The following NELL1 variants were observed in gnomAD, a reference collection of about 807,000 sequenced individuals.
The protein encoded by NELL1 is neural EGFL like 1, also known as protein kinase C-binding protein NELL1.
In NELL1, 76 loss-of-function variants were observed where a neutral mutation model predicts 107.4. That is an observed-to-expected ratio of 0.71 (90% CI 0.59 to 0.86). The LOEUF (loss-of-function observed/expected upper bound fraction) is 0.86. Ranked by LOEUF, NELL1 falls within the 40% of genes least tolerant of loss-of-function variation. The pLI is 0.00. For missense variants in NELL1, 1,024 were observed against 1,005.5 expected, an observed-to-expected ratio of 1.02 and a Z score of -0.25; for synonymous variants, 353 against 341.2, an observed-to-expected ratio of 1.03 and a Z score of -0.38.
intron 13 of NELL1, among the ~76,000 whole-genome samples, chr11:21,116,677 G>T (rs1855243603): frequency 6.6e-6 from 1 of 151,872 alleles, no homozygotes; most frequent in African/African-American, 2.4e-5. Context: ...GGTTACACTT[G>T]ATCACCCCTC....
rs1849395502 is a variant in NELL1 at position 21,297,273 on chromosome 11, G to A, written c.1549+67819G>A. ...TCAGGGTGATATGGTCATAGACAAG[G>A]AATTTCAAATGAAGTTATGTTTAAC... On this transcript the variant is annotated intron_variant, in intron 14 of 19. Coordinates refer to ENST00000357134, the MANE Select transcript of NELL1 (RefSeq NM_006157.5). 7.2e-5 allele frequency among the ~76,000 whole-genome samples: 11 copies of A among 151,968 alleles called. 1 individual carries two copies. Among genetic ancestry groups the A allele is most frequent in the Admixed American group, 7.2e-4 (11 of 15,210 alleles).
intron 2 of NELL1, among the ~76,000 whole-genome samples, chr11:20,693,805 T>A (rs532645847): frequency 0.034 from 5,221 of 152,136 alleles, 292 homozygotes; most frequent in African/African-American, 0.12. Flanking sequence ...TGGCGTTCTC[T>A]GTATTTCCTG....
chr11:21,445,026 A>G (rs1189247230), intron 15 of NELL1, among the ~76,000 whole-genome samples: 1 of 152,186 alleles, frequency 6.6e-6, no homozygotes, highest in African/African-American at 2.4e-5. Flanking sequence ...CACTGATTAC[A>G]TAAAGAAACA....
chr11:20,808,289 A>G (rs1433810234), intron 3 of NELL1, among the ~76,000 whole-genome samples: 1 of 152,034 alleles, frequency 6.6e-6, no homozygotes, highest in Non-Finnish European at 1.5e-5. Context: ...GGCCCAAGGT[A>G]TATCTAGAAA....
At chr11:21,341,338 A>T (rs1368575979) in intron 14 of NELL1, among the ~76,000 whole-genome samples, 1 of 152,206 alleles carries the variant, frequency 6.6e-6, no homozygotes, top group African/African-American at 2.4e-5. Context: ...ATTCTATTCT[A>T]TCTCTGTGTT....
chr11:20,744,105 A>G (rs753227797), intron 2 of NELL1, among the ~76,000 whole-genome samples: 15 of 152,204 alleles, frequency 9.9e-5, no homozygotes, highest in Non-Finnish European at 1.8e-4. Flanking sequence ...CCATAGCCAC[A>G]ATCTTATTCC....
At chr11:20,829,483 C>T (rs1056709873) in intron 3 of NELL1, among the ~76,000 whole-genome samples, 1 of 151,944 alleles carries the variant, frequency 6.6e-6, no homozygotes, top group African/African-American at 2.4e-5. Flanking sequence ...GCCTCGGCCT[C>T]TCAAAGTGTT....
At chr11:21,314,483 A>C (rs1029686402) in intron 14 of NELL1, among the ~76,000 whole-genome samples, 6 of 152,180 alleles carry the variant, frequency 3.9e-5, no homozygotes, top group Non-Finnish European at 7.3e-5. Flanking sequence ...GCACTTTAGC[A>C]TAACATCTGA....
intron 12 of NELL1, among the ~76,000 whole-genome samples, chr11:21,060,099 C>T (rs917581791): frequency 6.6e-6 from 1 of 152,142 alleles, no homozygotes; most frequent in African/African-American, 2.4e-5. Flanking sequence ...GTGTCACTCT[C>T]TGCTTCTGCT....
chr11:20,798,149 A>G (rs1353899551), intron 3 of NELL1, among the ~76,000 whole-genome samples: 5 of 152,218 alleles, frequency 3.3e-5, no homozygotes, highest in Non-Finnish European at 5.9e-5. Flanking sequence ...ATTGGGAAGT[A>G]GCAATTTTCA....
chr11:21,001,574 G>A (rs1423126191), intron 12 of NELL1, among the ~76,000 whole-genome samples: 2 of 151,960 alleles, frequency 1.3e-5, no homozygotes, highest in Non-Finnish European at 2.9e-5. Context: ...GGGTTCTCTG[G>A]GAAGCGGATG....
intron 2 of NELL1, among the ~76,000 whole-genome samples, chr11:20,755,931 C>A (rs1856275221): frequency 7.7e-6 from 1 of 129,070 alleles, no homozygotes. Context: ...CTCGCTCTGT[C>A]TCCCAGGCTG....
intron 12 of NELL1, among the ~76,000 whole-genome samples, chr11:20,974,991 T>C (rs181808786): frequency 4.7e-4 from 72 of 152,222 alleles, no homozygotes; most frequent in Non-Finnish European, 8.1e-4. Flanking sequence ...ATTATTTCCA[T>C]AGGTGATAAA....
chr11:20,869,265 T>C (rs1849152483), intron 4 of NELL1, among the ~76,000 whole-genome samples: 1 of 152,272 alleles, frequency 6.6e-6, no homozygotes, highest in Middle Eastern at 3.4e-3. Flanking sequence ...GTTTATGATA[T>C]CTATATAAAG....
At chr11:21,419,414 A>G (rs922433539) in intron 15 of NELL1, among the ~76,000 whole-genome samples, 2 of 152,180 alleles carry the variant, frequency 1.3e-5, no homozygotes, top group African/African-American at 4.8e-5. Flanking sequence ...TAGCCTGCAC[A>G]TTAGGAAAAA....
chr11:21,079,168 TA>T (rs1422143908), intron 12 of NELL1, among the ~76,000 whole-genome samples: 1 of 151,990 alleles, frequency 6.6e-6, no homozygotes, highest in Non-Finnish European at 1.5e-5. Context: ...TGTGAGTGAC[TA>T]GACACTTAAT....
chr11:20,698,791 C>G (rs771303584), intron 2 of NELL1, among the ~76,000 whole-genome samples: 3 of 152,134 alleles, frequency 2.0e-5, no homozygotes, highest in Non-Finnish European at 2.9e-5. Context: ...ATCCCTCACC[C>G]CATTCCTACC....
intron 2 of NELL1, among the ~76,000 whole-genome samples, chr11:20,777,821 AT>A (rs5790142): frequency 0.31 from 46,577 of 151,608 alleles, 8,762 homozygotes; most frequent in African/African-American, 0.54. Flanking sequence ...GCCTTGGTGC[AT>A]TTTTTGTTTA....
At chr11:20,758,989 G>A (rs777337941) in intron 2 of NELL1, among the ~76,000 whole-genome samples, 12 of 152,162 alleles carry the variant, frequency 7.9e-5, no homozygotes, top group South Asian at 2.1e-4. Context: ...GATGTTCGTT[G>A]AGCCTACCAT....
Sources: allele counts gnomAD v4.1 joint callset (sites outside exome capture counted in the v4.1 genomes callset), GRCh38; gene constraint gnomAD v4.1.1; transcripts MANE v1.5; gene names NCBI Gene and HGNC (gene_info 2026-07-23, HGNC 2026-07-21).